Variants in RAB38 observed in about 807,000 individuals in gnomAD.
RAB38 encodes the protein ras-related protein Rab-38.
Under a neutral mutation model 18.4 loss-of-function variants are expected in RAB38, and 15 were observed. The ratio of observed to expected loss-of-function variants is 0.82; its 90% confidence interval spans 0.55 to 1.26. RAB38 has a LOEUF of 1.26. RAB38 is among the 50% of genes most tolerant of loss of function. The pLI is 0.00. For synonymous variants in RAB38, 101 were observed against 104.4 expected, an observed-to-expected ratio of 0.97 and a Z score of 0.20; for missense variants, 294 against 267.4, an observed-to-expected ratio of 1.10 and a Z score of -0.69.
intron 2 of RAB38, among the ~76,000 whole-genome samples, chr11:88,127,519 AG>A (rs1942713882): frequency 6.6e-6 from 1 of 152,196 alleles, no homozygotes; most frequent in South Asian, 2.1e-4. Flanking sequence ...TTAAGAGTAG[AG>A]GGGTTTGTGG....
At chr11:88,022,611 C>CAAAAAAAAAAAAAAAAAA in the RAB38 span, among the ~76,000 whole-genome samples, 1 of 52,090 alleles carries the variant, frequency 1.9e-5, no homozygotes, top group African/African-American at 7.6e-5. Context: ...AAAGACCCCA[C>CAAAAAAAAAAAAAAAAAA]AAAAAAAAAA....
At chr11:87,811,391 A>C in the RAB38 span, among the ~76,000 whole-genome samples, 1 of 152,190 alleles carries the variant, frequency 6.6e-6, no homozygotes, top group African/African-American at 2.4e-5. Context: ...GCAGTGTCAT[A>C]ATTGGGGAAC....
At chr11:87,872,031 G>C in the RAB38 span, among the ~76,000 whole-genome samples, 1 of 151,476 alleles carries the variant, frequency 6.6e-6, no homozygotes, top group Non-Finnish European at 1.5e-5. Context: ...CATAGGCTCA[G>C]CTTTATAATA....
chr11:87,977,391 A>G, the RAB38 span, among the ~76,000 whole-genome samples: 2 of 44,688 alleles, frequency 4.5e-5, no homozygotes, highest in African/African-American at 1.1e-4. Flanking sequence ...AAATATAATT[A>G]TATATATAAT....
the RAB38 span, among the ~76,000 whole-genome samples, chr11:87,932,125 T>C: frequency 6.6e-6 from 1 of 151,662 alleles, no homozygotes; most frequent in Non-Finnish European, 1.5e-5. Flanking sequence ...AAATAAGAGA[T>C]TCAAGGGGGG....
the RAB38 span, among the ~76,000 whole-genome samples, chr11:87,976,424 T>C: frequency 8.9e-5 from 12 of 135,312 alleles, no homozygotes; most frequent in Admixed American, 4.8e-4. Context: ...TATATTTATA[T>C]ATTATGCATT....
intron 2 of RAB38, among the ~76,000 whole-genome samples, chr11:88,149,222 GC>G (rs1175834496): frequency 6.6e-6 from 1 of 152,160 alleles, no homozygotes; most frequent in African/African-American, 2.4e-5. Context: ...TGTAGTGTTT[GC>G]CATCTTTTCT....
the RAB38 span, among the ~76,000 whole-genome samples, chr11:88,024,945 A>G: frequency 6.6e-6 from 1 of 152,108 alleles, no homozygotes; most frequent in Non-Finnish European, 1.5e-5. Context: ...AGATCCTAGT[A>G]TTTGACAGCA....
At chr11:88,152,699 A>G (rs1410739484) in intron 1 of RAB38, among the ~76,000 whole-genome samples, 1 of 152,168 alleles carries the variant, frequency 6.6e-6, no homozygotes, top group Admixed American at 6.5e-5. Context: ...ACTCAGAGTG[A>G]GTGCCTACTT....
chr11:88,037,895 C>T, the RAB38 span, among the ~76,000 whole-genome samples: 1 of 151,714 alleles, frequency 6.6e-6, no homozygotes, highest in Non-Finnish European at 1.5e-5. Flanking sequence ...AGTTGTTTGC[C>T]TTCTTATTAA....
At chr11:87,921,909 C>T in the RAB38 span, among the ~76,000 whole-genome samples, 2 of 151,840 alleles carry the variant, frequency 1.3e-5, no homozygotes, top group Admixed American at 1.3e-4. Flanking sequence ...CAATGAAACA[C>T]ATGAGCATAG....
the RAB38 span, among the ~76,000 whole-genome samples, chr11:88,023,168 G>A: frequency 6.6e-6 from 1 of 151,922 alleles, no homozygotes; most frequent in African/African-American, 2.4e-5. Flanking sequence ...AAAAAAATGA[G>A]AGAAAAATGT....
At chr11:87,882,655 TTAGAA>T in the RAB38 span, among the ~76,000 whole-genome samples, 4 of 151,772 alleles carry the variant, frequency 2.6e-5, no homozygotes, top group East Asian at 5.9e-4. Flanking sequence ...AAAGAAACAA[TTAGAA>T]TAGGGTGTGA....
the RAB38 span, among the ~76,000 whole-genome samples, chr11:88,010,958 C>T: frequency 6.6e-6 from 1 of 152,114 alleles, no homozygotes; most frequent in African/African-American, 2.4e-5. Context: ...CAAGAGAGCC[C>T]AGAATCAGCT....
the RAB38 span, among the ~76,000 whole-genome samples, chr11:88,019,816 T>C: frequency 6.6e-6 from 1 of 152,220 alleles, no homozygotes; most frequent in Admixed American, 6.5e-5. Context: ...CCTATGAGTC[T>C]TGTATGACCT....
At chr11:87,962,171 G>T in the RAB38 span, among the ~76,000 whole-genome samples, 1 of 151,992 alleles carries the variant, frequency 6.6e-6, no homozygotes, top group South Asian at 2.1e-4. Context: ...TTCCAGTCTT[G>T]CCCTTTTCCG....
At chr11:88,143,921 T>G (rs1942949733) in intron 2 of RAB38, among the ~76,000 whole-genome samples, 2 of 152,204 alleles carry the variant, frequency 1.3e-5, no homozygotes, top group South Asian at 4.1e-4. Flanking sequence ...GAGAATTGAT[T>G]AGCTAAAGAT....
chr11:87,950,088 T>C, the RAB38 span, among the ~76,000 whole-genome samples: 1 of 152,214 alleles, frequency 6.6e-6, no homozygotes, highest in Non-Finnish European at 1.5e-5. Flanking sequence ...ATTGGGTGCA[T>C]ATATATTTAG....
the RAB38 span, among the ~76,000 whole-genome samples, chr11:87,971,256 A>T: frequency 2.8e-3 from 428 of 152,220 alleles, 1 homozygote; most frequent in African/African-American, 9.5e-3. Context: ...TCTGGCAGAG[A>T]AGGGGGAGGC....
Sources: gnomAD v4.1 joint callset for allele counts (sites outside exome capture counted in the v4.1 genomes callset) on GRCh38, gnomAD v4.1.1 for gene constraint, MANE v1.5 for transcripts, NCBI Gene and HGNC (gene_info 2026-07-23, HGNC 2026-07-21) for gene names.